SLC14A2: variants seen among roughly 807,000 people sequenced by gnomAD.
SLC14A2 encodes urea transporter 2.
Under a neutral mutation model 104.6 loss-of-function variants are expected in SLC14A2, and 91 were observed. The observed-to-expected ratio is 0.87, with a 90% confidence interval of 0.73 to 1.04. The LOEUF (loss-of-function observed/expected upper bound fraction) is 1.04. SLC14A2 is among the 50% of genes least tolerant of loss of function. The pLI is 0.00. For missense variants in SLC14A2, 1,189 were observed against 1,156.0 expected (o/e 1.03, Z -0.41); for synonymous variants, 476 against 466.4 (o/e 1.02, Z -0.27).
At chr18:45,471,674 C>A (rs563638287) in intron 1 of SLC14A2, among the ~76,000 whole-genome samples, 101 of 152,080 alleles carry the variant, frequency 6.6e-4, no homozygotes, top group Non-Finnish European at 1.1e-3. Flanking sequence ...GTGTCTTGAG[C>A]AGTTTCTTTT....
rs1482261265 is a variant in SLC14A2, at chr18:45,673,111, T to C, written c.2377+64T>C. 21 of 1,480,420 alleles carry C rather than the reference T, an allele frequency of 1.4e-5. No homozygotes were observed. The East Asian group carries it at 4.1e-4, about 29-fold the overall frequency. The allele number at this position is 1,480,420 out of a possible 1,614,324, so 91.7% of individuals were successfully genotyped here. A position where few individuals can be genotyped will look rare whatever the true frequency, so the allele number is the denominator to read the frequency against. ...AGCCTGGGGCCAGCTCCAAATAAAA[T>C]GGTGACTCTCATCTTCAACACTCCA... On this transcript the variant is annotated intron_variant, in intron 17 of 19. Coordinates refer to ENST00000255226, the MANE Select transcript of SLC14A2 (RefSeq NM_007163.4).
chr18:45,517,329 A>G (rs574672450), intron 2 of SLC14A2, among the ~76,000 whole-genome samples: 1 of 152,172 alleles, frequency 6.6e-6, no homozygotes, highest in Admixed American at 6.5e-5. Context: ...AGACATTCCA[A>G]TATCTGCACA....
the SLC14A2 span, among the ~76,000 whole-genome samples, chr18:45,186,396 G>A: frequency 6.5e-3 from 989 of 151,674 alleles, 15 homozygotes; most frequent in African/African-American, 0.023. Context: ...CGAAACAACT[G>A]AATATTTGTA....
chr18:45,446,384 C>A (rs2086770013), intron 1 of SLC14A2, among the ~76,000 whole-genome samples: 2 of 152,102 alleles, frequency 1.3e-5, no homozygotes, highest in African/African-American at 4.8e-5. Flanking sequence ...AGAAAAAGAC[C>A]AGAGCTCTCT....
At chr18:45,549,858 A>G (rs1568272064) in intron 2 of SLC14A2, 1 of 152,066 alleles carries the variant, frequency 6.6e-6, no homozygotes, top group Non-Finnish European at 1.5e-5. Flanking sequence ...TATTTTCCCT[A>G]TTTTTTAGGT....
chr18:45,616,820 G>C (rs1000548550), intron 1 of SLC14A2, among the ~76,000 whole-genome samples: 1 of 152,160 alleles, frequency 6.6e-6, no homozygotes, highest in African/African-American at 2.4e-5. Flanking sequence ...CATAAGGACC[G>C]GGTGCAGTGG....
At position 45,672,919 on chromosome 18, in the gene SLC14A2, T is replaced by C; in HGVS notation, c.2249T>C (p.Val750Ala). The C allele has an allele frequency of 6.2e-7, 1 of 1,613,836 alleles. No homozygotes were observed. The highest frequency in any genetic ancestry group is 8.5e-7 in the Non-Finnish European group (1 of 1,179,876). ...CTACAGCTTTTGAGAGCCATCCCCG[T>C]TGGAATTGGCCAAGTGTACGGCTGT... ...QVPLLLRAIP[V>A]GIGQVYGCDN... The change falls in exon 17 of 20, where the codon GTT (valine) becomes GCT (alanine). Residue 750 changes from valine to alanine, a missense_variant. Val to Ala is a moderately conservative substitution (Grantham distance 64, BLOSUM62 0). Coordinates refer to ENST00000255226, the MANE Select transcript of SLC14A2 (RefSeq NM_007163.4).
intron 10 of SLC14A2, among the ~76,000 whole-genome samples, chr18:45,654,988 A>G (rs2045808466): frequency 1.3e-5 from 2 of 152,104 alleles, no homozygotes; most frequent in Non-Finnish European, 2.9e-5. Context: ...CCCACGATTC[A>G]TTACCTGCAG....
At chr18:45,355,311 C>T (rs1159668364) in intron 1 of SLC14A2, among the ~76,000 whole-genome samples, 1 of 152,066 alleles carries the variant, frequency 6.6e-6, no homozygotes. Flanking sequence ...CGCGGTGGCT[C>T]ACACCTGTAA....
At chr18:45,338,253 T>C (rs1043604146) in intron 1 of SLC14A2, among the ~76,000 whole-genome samples, 5 of 152,110 alleles carry the variant, frequency 3.3e-5, no homozygotes, top group Admixed American at 6.6e-5. Context: ...CAGGCTGGAG[T>C]GCAGTGTCGT....
At chr18:45,603,304 C>T (rs899964787) in intron 2 of SLC14A2, among the ~76,000 whole-genome samples, 5 of 152,106 alleles carry the variant, frequency 3.3e-5, no homozygotes, top group African/African-American at 9.7e-5. Context: ...CTCTTCCTGT[C>T]TCTTGTTGGT....
rs2046344677 is a variant in SLC14A2, at chr18:45,683,558, A to T, written c.*1039A>T. 1 of 152,250 alleles carries T rather than the reference A, an allele frequency of 6.6e-6. No homozygotes were observed. Among genetic ancestry groups the T allele is most frequent in the African/African-American group, 2.4e-5 (1 of 41,470 alleles). The allele number at this position is 152,250 out of a possible 1,614,324, so 9.4% of individuals were successfully genotyped here. ...AAAATGCCAATGTGCTTTCCTTTAC[A>T]TTACAGAAATATTTCTGGAAGTGTC... On this transcript the variant is annotated 3_prime_UTR_variant, in exon 20 of 20. Coordinates refer to ENST00000255226, the MANE Select transcript of SLC14A2 (RefSeq NM_007163.4).
chr18:45,648,546 AAT>A (rs983549612), intron 10 of SLC14A2, among the ~76,000 whole-genome samples: 5 of 152,012 alleles, frequency 3.3e-5, no homozygotes, highest in African/African-American at 1.2e-4. Flanking sequence ...AACCAGTATT[AAT>A]ATTGTTGTAC....
At chr18:45,195,682 G>A in the SLC14A2 span, among the ~76,000 whole-genome samples, 4 of 152,144 alleles carry the variant, frequency 2.6e-5, no homozygotes, top group African/African-American at 7.2e-5. Flanking sequence ...GAGCCACTGC[G>A]CCTGGCTGGG....
At chr18:45,245,544 A>G (rs10438962) in intron 1 of SLC14A2, among the ~76,000 whole-genome samples, 49,236 of 152,106 alleles carry the variant, frequency 0.32, 8,341 homozygotes, top group African/African-American at 0.38. Flanking sequence ...GGGAATTTAG[A>G]AAGCTCTCTG....
intron 1 of SLC14A2, among the ~76,000 whole-genome samples, chr18:45,402,130 C>T (rs1156455713): frequency 6.6e-6 from 1 of 152,096 alleles, no homozygotes; most frequent in Non-Finnish European, 1.5e-5. Flanking sequence ...GCCCACAGTT[C>T]CTTTGGAGGT....
intron 1 of SLC14A2, among the ~76,000 whole-genome samples, chr18:45,436,207 T>G (rs956986327): frequency 6.6e-6 from 1 of 152,226 alleles, no homozygotes; most frequent in Admixed American, 6.5e-5. Flanking sequence ...ACGTTGTTTA[T>G]GTTAAAAAGA....
At chr18:45,240,277 A>G (rs913136238) in intron 1 of SLC14A2, among the ~76,000 whole-genome samples, 2 of 148,068 alleles carry the variant, frequency 1.4e-5, no homozygotes, top group African/African-American at 5.1e-5. Context: ...TTTCTATTTT[A>G]GTAGAGATGG....
At chr18:45,225,758 A>G (rs1369920597) in intron 1 of SLC14A2, among the ~76,000 whole-genome samples, 11 of 152,152 alleles carry the variant, frequency 7.2e-5, no homozygotes, top group Admixed American at 5.9e-4. Context: ...GCAATTGTGA[A>G]TGGGAGTTCA....
Sources: allele counts gnomAD v4.1 joint callset (sites outside exome capture counted in the v4.1 genomes callset), GRCh38; gene constraint gnomAD v4.1.1; transcripts MANE v1.5; gene names NCBI Gene and HGNC (gene_info 2026-07-23, HGNC 2026-07-21).